The following CHURC1 variants were observed in gnomAD, a reference collection of about 807,000 sequenced individuals.
CHURC1 encodes churchill domain containing 1.
CHURC1 carries 12 observed loss-of-function variants against 15.4 expected under a neutral mutation model. The ratio of observed to expected loss-of-function variants is 0.78; its 90% CI spans 0.50 to 1.27. The LOEUF is 1.27. Ranked by LOEUF, CHURC1 falls within the 50% of genes most tolerant of loss-of-function variation. The probability of loss-of-function intolerance (pLI) is 0.00; values close to 1 mark genes in which losing one functional copy is unlikely to be tolerated. For synonymous variants in CHURC1, 42 were observed against 47.5 expected (o/e 0.88, Z 0.48); for missense variants, 132 against 137.8 (o/e 0.96, Z 0.21).
chr14:64,926,982 T>TTGAGTTACTTATTTTGTG (rs1884754068), intron 3 of CHURC1, among the ~76,000 whole-genome samples: 1 of 152,186 alleles, frequency 6.6e-6, no homozygotes, highest in Non-Finnish European at 1.5e-5. Flanking sequence ...AGCCTTCAGG[T>TTGAGTTACTTATTTTGTG]TGAGTTACTT....
At chr14:64,930,534 A>G (rs1413475604) in intron 3 of CHURC1, among the ~76,000 whole-genome samples, 1 of 152,246 alleles carries the variant, frequency 6.6e-6, no homozygotes, top group South Asian at 2.1e-4. Flanking sequence ...CAGACTGCCT[A>G]TAAAGATTAC....
intron 1 of CHURC1, among the ~76,000 whole-genome samples, chr14:64,922,132 G>A (rs948489361): frequency 6.6e-6 from 1 of 152,168 alleles, no homozygotes; most frequent in African/African-American, 2.4e-5. Flanking sequence ...AAGCATGAAG[G>A]AACTTTTTGG....
rs907215034 is a variant in CHURC1, at chr14:64,933,495, A to T, written c.*1265A>T. 5.1e-6 allele frequency: 5 copies of T among 984,792 alleles called. No individual in the cohort carries two copies. The African/African-American group carries it at 5.2e-5, about 10-fold the overall frequency. 61.0% of individuals were successfully genotyped at this position (984,792 alleles called of 1,614,324 possible). On this transcript the variant is annotated 3_prime_UTR_variant, in exon 4 of 4. Transcript: ENST00000549115. The stretch of plus-strand genomic sequence containing the variant: ...CCATTTAGTAGCAGTATAGTCATTA[A>T]GCAAAGCATTACTCTGGACTTTATT...
chr14:64,935,048 A>C lies in CHURC1; in HGVS notation c.*2818A>C, dbSNP rs1387169910. On this transcript the variant is annotated 3_prime_UTR_variant, in exon 4 of 4. Transcript: ENST00000549115. ...ATTAGGAATTAGGGACATGGATGAA[A>C]TTGGAAATCTTCATTCTCAGTAAAC... is the stretch of plus-strand genomic sequence containing the variant. 1.0e-6 allele frequency: 1 copy of C among 959,458 alleles called. No individual in the cohort carries two copies. Among genetic ancestry groups the C allele is most frequent in the African/African-American group, 1.8e-5 (1 of 56,516 alleles). The allele number at this position is 959,458 out of a possible 1,614,324, so 59.4% of individuals were successfully genotyped here. A position where few individuals can be genotyped will look rare whatever the true frequency, so the allele number is the denominator to read the frequency against.
chr14:64,934,597 G>A lies in CHURC1; in HGVS notation c.*2367G>A. On this transcript the variant is annotated 3_prime_UTR_variant, in exon 4 of 4. Transcript: ENST00000549115. ...TGCAGGGATCAGTTGTTTTATTCCT[G>A]GAAAATGTTTTTCATTTTGCTGCAA... The A allele has an allele frequency of 1.0e-6, 1 of 985,382 alleles. No homozygotes were observed. The highest frequency in any genetic ancestry group is 1.2e-6 in the Non-Finnish European group (1 of 829,920). The allele number at this position is 985,382 out of a possible 1,614,324, so 61.0% of individuals were successfully genotyped here. A position where few individuals can be genotyped will look rare whatever the true frequency, so the allele number is the denominator to read the frequency against.
intron 1 of CHURC1, among the ~76,000 whole-genome samples, chr14:64,922,353 C>T (rs180747842): frequency 6.6e-6 from 1 of 151,876 alleles, no homozygotes; most frequent in African/African-American, 2.4e-5. Flanking sequence ...CCGAGACGGG[C>T]AGATCACGAG....
Position 64,933,664 on chromosome 14 carries a change from G to A in CHURC1, c.*1434G>A. 4.1e-6 allele frequency: 4 copies of A among 985,460 alleles called. No individual in the cohort carries two copies. In the South Asian group the frequency reaches 1.4e-4, roughly 35 times the overall value. 61.0% of individuals were successfully genotyped at this position (985,460 alleles called of 1,614,324 possible). ...AGAAACAATGAGGTGGCTTCAATTA[G>A]TGCTCATTCTGAGACCTAAATTTAA... On this transcript the variant is annotated 3_prime_UTR_variant, in exon 4 of 4. Transcript: ENST00000549115.
chr14:64,922,429 T>C (rs907831838), intron 1 of CHURC1, among the ~76,000 whole-genome samples: 6 of 151,450 alleles, frequency 4.0e-5, no homozygotes, highest in Non-Finnish European at 8.8e-5. Context: ...ATACGAAAAA[T>C]TAGCAGGGCG....
intron 1 of CHURC1, among the ~76,000 whole-genome samples, chr14:64,923,273 C>CAAA (rs563823780): frequency 5.8e-5 from 6 of 103,336 alleles, no homozygotes; most frequent in African/African-American, 2.3e-4. Context: ...TCTCAATTAC[C>CAAA]AAAAAAAAAA....
At chr14:64,926,359 A>C (rs1326790219) in intron 3 of CHURC1, among the ~76,000 whole-genome samples, 2 of 151,898 alleles carry the variant, frequency 1.3e-5, no homozygotes, top group African/African-American at 4.8e-5. Flanking sequence ...TGCCTTTCTT[A>C]TATCTGTGCA....
chr14:64,918,488 A>G (rs764197509), intron 1 of CHURC1, among the ~76,000 whole-genome samples: 3 of 152,200 alleles, frequency 2.0e-5, no homozygotes, highest in Non-Finnish European at 4.4e-5. Flanking sequence ...GCAGAAGCCC[A>G]CTGCTTTGCT....
chr14:64,923,390 C>A (rs542584675), intron 1 of CHURC1, among the ~76,000 whole-genome samples: 4 of 151,978 alleles, frequency 2.6e-5, no homozygotes, highest in African/African-American at 9.6e-5. Context: ...AACCCATTCT[C>A]TCTTAAATGC....
intron 3 of CHURC1, chr14:64,930,754 C>T (rs1483134938): frequency 2.3e-6 from 1 of 432,450 alleles, no homozygotes; most frequent in Non-Finnish European, 4.5e-6. Flanking sequence ...CACACATTTT[C>T]TCTTTTTGAC....
intron 1 of CHURC1, among the ~76,000 whole-genome samples, chr14:64,917,971 A>G (rs746620032): frequency 1.3e-5 from 2 of 152,250 alleles, no homozygotes; most frequent in African/African-American, 2.4e-5. Context: ...ATAAGACTGC[A>G]GTTTGGGTAC....
chr14:64,932,467 C>T lies in CHURC1; in HGVS notation c.*237C>T, dbSNP rs769436443. 6 of 1,223,372 alleles carry T rather than the reference C, an allele frequency of 4.9e-6. No individual in the cohort carries two copies. The highest frequency in any genetic ancestry group is 5.1e-6 in the Non-Finnish European group (5 of 975,378). The allele number at this position is 1,223,372 out of a possible 1,614,324, so 75.8% of individuals were successfully genotyped here. A position where few individuals can be genotyped will look rare whatever the true frequency, so the allele number is the denominator to read the frequency against. On this transcript the variant is annotated 3_prime_UTR_variant, in exon 4 of 4. Coordinates refer to ENST00000549115, the MANE Select transcript of CHURC1 (RefSeq NM_001386928.1). ...AGCCAGAGTGAAGCATCTTTGTTAG[C>T]AGTTATGTGGTCAGAAAACAACTAG... is the stretch of plus-strand genomic sequence containing the variant.
chr14:64,926,727 C>T (rs1884735810), intron 3 of CHURC1, among the ~76,000 whole-genome samples: 1 of 152,206 alleles, frequency 6.6e-6, no homozygotes, highest in Non-Finnish European at 1.5e-5. Context: ...AGTAAAATTA[C>T]AAGCTGTGTG....
In CHURC1 at chr14:64,933,858, TTAC is replaced by T; in HGVS notation, c.*1632_*1634del. ...ATAATATCTGAGCTTTATTAAGTAC[TTAC>T]TACATGCTAAGAGCTTTTTAAGCAC... On this transcript the variant is annotated 3_prime_UTR_variant, in exon 4 of 4. Coordinates refer to ENST00000549115, the MANE Select transcript of CHURC1 (RefSeq NM_001386928.1). The T allele has an allele frequency of 1.0e-6, 1 of 984,706 alleles. No individual in the cohort carries two copies. The highest frequency in any genetic ancestry group is 1.2e-6 in the Non-Finnish European group (1 of 829,238). The allele number at this position is 984,706 out of a possible 1,614,324, so 61.0% of individuals were successfully genotyped here. A position where few individuals can be genotyped will look rare whatever the true frequency, so the allele number is the denominator to read the frequency against.
In CHURC1 at chr14:64,917,942, C is replaced by T. The variant is rs533891821; in HGVS notation, c.39+3408C>T. ...TGCTTCACCTGAGGTTGAGAATATC[C>T]GAAGGGTCAAGTGAAGATATAAGAC... is the stretch of plus-strand genomic sequence containing the variant. On this transcript the variant is annotated intron_variant, in intron 1 of 3. Transcript: ENST00000549115. 2.0e-5 allele frequency among the ~76,000 whole-genome samples: 3 copies of T among 152,110 alleles called. No homozygotes were observed. In the East Asian group the frequency reaches 5.8e-4, roughly 29 times the overall value.
intron 3 of CHURC1, among the ~76,000 whole-genome samples, chr14:64,930,151 G>A (rs1885000353): frequency 6.6e-6 from 1 of 151,938 alleles, no homozygotes; most frequent in African/African-American, 2.4e-5. Context: ...TTACTCAGAG[G>A]TAATTCCGCC....
Sources: gnomAD v4.1 joint callset for allele counts (sites outside exome capture counted in the v4.1 genomes callset) on GRCh38, gnomAD v4.1.1 for gene constraint, MANE v1.5 for transcripts, NCBI Gene and HGNC (gene_info 2026-07-23, HGNC 2026-07-21) for gene names.